LRP12: variants seen among roughly 807,000 people sequenced by gnomAD.
The protein encoded by LRP12 is low-density lipoprotein receptor-related protein 12.
A neutral mutation model predicts 66.0 loss-of-function variants in LRP12; 14 were observed. The ratio of observed to expected loss-of-function variants is 0.21; its 90% confidence interval spans 0.14 to 0.33. The LOEUF is 0.33. LRP12 is among the 10% of genes least tolerant of loss of function. The probability of loss-of-function intolerance (pLI) is 1.00; values close to 1 mark genes in which losing one functional copy is unlikely to be tolerated. For missense variants in LRP12, 889 were observed against 1,053.4 expected, an observed-to-expected ratio of 0.84 and a Z score of 2.16; for synonymous variants, 357 against 359.1, an observed-to-expected ratio of 0.99 and a Z score of 0.07.
intron 1 of LRP12, among the ~76,000 whole-genome samples, chr8:104,579,842 T>C (rs903955710): frequency 4.6e-5 from 7 of 152,204 alleles, no homozygotes; most frequent in African/African-American, 1.7e-4. Context: ...GGATTCCTTA[T>C]TCAATAAATG....
At chr8:104,500,771 G>A (rs1470480931) in intron 3 of LRP12, among the ~76,000 whole-genome samples, 3 of 152,058 alleles carry the variant, frequency 2.0e-5, no homozygotes, top group African/African-American at 7.2e-5. Flanking sequence ...TCTCTTACAA[G>A]AACAAGAATT....
In LRP12 at chr8:104,531,861, C is replaced by T. The variant is rs754201523; in HGVS notation, c.136+46G>A. 7.1e-6 allele frequency: 9 copies of T among 1,272,528 alleles called. No individual in the cohort carries two copies. The South Asian group carries it at 9.1e-5, about 13-fold the overall frequency. The allele number at this position is 1,272,528 out of a possible 1,614,324, so 78.8% of individuals were successfully genotyped here. ...ATACCAGGTGGCTTTCAATATTTAC[C>T]ATATAAGTCATGCATGAAATTTAAA... On this transcript the variant is annotated intron_variant, in intron 2 of 6. Coordinates refer to ENST00000276654, the MANE Select transcript of LRP12 (RefSeq NM_013437.5).
At chr8:104,491,856 T>C (rs931398069) in intron 6 of LRP12, among the ~76,000 whole-genome samples, 30 of 152,110 alleles carry the variant, frequency 2.0e-4, no homozygotes, top group Non-Finnish European at 4.3e-4. Context: ...TAATCCAACA[T>C]GAAAAGTGTA....
At chr8:104,499,689 C>T (rs1480941211) in intron 3 of LRP12, among the ~76,000 whole-genome samples, 170 bp from the exon 4 acceptor site, 1 of 152,108 alleles carries the variant, frequency 6.6e-6, no homozygotes, top group Non-Finnish European at 1.5e-5. Flanking sequence ...TTCTATGTTC[C>T]TCATATTTGT....
At chr8:104,574,627 C>T (rs1812133709) in intron 1 of LRP12, among the ~76,000 whole-genome samples, 1 of 152,128 alleles carries the variant, frequency 6.6e-6, no homozygotes, top group South Asian at 2.1e-4. Flanking sequence ...AAGTGGCTTT[C>T]AGCATTTAAA....
chr8:104,573,071 T>C (rs4537272), intron 1 of LRP12, among the ~76,000 whole-genome samples: 4,329 of 152,290 alleles, frequency 0.028, 98 homozygotes, highest in Middle Eastern at 0.061. Flanking sequence ...AATACTCGAT[T>C]GTATTTTTCA....
chr8:104,507,779 A>G (rs1003739800), intron 3 of LRP12: 27 of 152,338 alleles, frequency 1.8e-4, no homozygotes, highest in African/African-American at 6.5e-4. Flanking sequence ...CTGGGGTTCC[A>G]GAAGAGGTAA....
chr8:104,588,842 AAGAGCAACGC>A lies in LRP12; in HGVS notation c.46_55del (p.Ala16CysfsTer42). On this transcript the variant is annotated frameshift_variant, in exon 1 of 7. Coordinates refer to ENST00000276654, the MANE Select transcript of LRP12 (RefSeq NM_013437.5). LOFTEE classifies it high-confidence loss of function. ...ACCGTACACCCCAGCGAGGAAAAGC[AAGAGCAACGC>A]AGACCTCCACCGCGGAGACTCTTTT... 1 of 1,612,774 alleles carries A rather than the reference AAGAGCAACGC, an allele frequency of 6.2e-7. No individual in the cohort carries two copies. Among genetic ancestry groups the A allele is most frequent in the Non-Finnish European group, 8.5e-7 (1 of 1,179,470 alleles).
In LRP12 at chr8:104,543,012, T is replaced by A. The variant is rs534701807; in HGVS notation, c.80-11049A>T. Among the ~76,000 whole-genome samples, 370 of 149,878 alleles carry A rather than the reference T, an allele frequency of 2.5e-3. 1 individual carries two copies. The highest frequency in any genetic ancestry group is 4.4e-3 in the Non-Finnish European group (298 of 67,602). On this transcript the variant is annotated intron_variant, in intron 1 of 6. Transcript: ENST00000276654. ...ACACACAAATATATATATATATATA[T>A]AAATATATATACACACACACATACA...
intron 2 of LRP12, among the ~76,000 whole-genome samples, chr8:104,509,868 G>T (rs1810966661): frequency 6.6e-6 from 1 of 152,176 alleles, no homozygotes; most frequent in Non-Finnish European, 1.5e-5. Context: ...AGATGGAAAA[G>T]GCATTAAACT....
intron 1 of LRP12, among the ~76,000 whole-genome samples, chr8:104,582,820 C>A (rs1588513134): frequency 6.6e-6 from 1 of 152,270 alleles, no homozygotes; most frequent in African/African-American, 2.4e-5. Context: ...AACCATTCTA[C>A]TGAATTGAGG....
chr8:104,571,212 T>G (rs1812075917), intron 1 of LRP12, among the ~76,000 whole-genome samples: 1 of 151,976 alleles, frequency 6.6e-6, no homozygotes, highest in African/African-American at 2.4e-5. Flanking sequence ...ATTCTTCTCC[T>G]AAGTATTTAT....
At chr8:104,503,190 G>A (rs1163758969) in intron 3 of LRP12, among the ~76,000 whole-genome samples, 2 of 151,662 alleles carry the variant, frequency 1.3e-5, no homozygotes, top group Non-Finnish European at 2.9e-5. Context: ...CAGAGTTTTA[G>A]TTTTTACACA....
At chr8:104,522,874 A>T (rs925251053) in intron 2 of LRP12, among the ~76,000 whole-genome samples, 2 of 152,174 alleles carry the variant, frequency 1.3e-5, no homozygotes, top group African/African-American at 2.4e-5. Context: ...TTTGACAGCA[A>T]ATAAAAGGTT....
chr8:104,552,665 G>A (rs984121131), intron 1 of LRP12, among the ~76,000 whole-genome samples: 27 of 152,188 alleles, frequency 1.8e-4, no homozygotes, highest in African/African-American at 6.5e-4. Flanking sequence ...TATCACATGT[G>A]AAGCAGAGAA....
At chr8:104,536,458 G>A (rs902539984) in intron 1 of LRP12, among the ~76,000 whole-genome samples, 8 of 151,904 alleles carry the variant, frequency 5.3e-5, no homozygotes, top group Non-Finnish European at 1.0e-4. Flanking sequence ...GTATTCTGAT[G>A]GGACACAGCA....
intron 1 of LRP12, among the ~76,000 whole-genome samples, chr8:104,582,177 T>C (rs1812261069): frequency 2.0e-5 from 3 of 152,252 alleles, no homozygotes; most frequent in African/African-American, 7.2e-5. Context: ...GAAATGTAAG[T>C]GAATTAAAGG....
At chr8:104,532,708 T>C (rs1355024451) in intron 1 of LRP12, among the ~76,000 whole-genome samples, 1 of 151,888 alleles carries the variant, frequency 6.6e-6, no homozygotes, top group Non-Finnish European at 1.5e-5. Flanking sequence ...TGGTTGAGAG[T>C]GGAGAAAATA....
chr8:104,530,254 G>T (rs1811305262), intron 2 of LRP12, among the ~76,000 whole-genome samples: 1 of 152,050 alleles, frequency 6.6e-6, no homozygotes, highest in African/African-American at 2.4e-5. Context: ...CCTTGTTACA[G>T]ACTGAATTGT....
Sources: gnomAD v4.1 joint callset for allele counts (sites outside exome capture counted in the v4.1 genomes callset) on GRCh38, gnomAD v4.1.1 for gene constraint, MANE v1.5 for transcripts, NCBI Gene and HGNC (gene_info 2026-07-23, HGNC 2026-07-21) for gene names.